SUCLG2: variants seen among roughly 807,000 people sequenced by gnomAD.
SUCLG2 encodes the protein succinate--CoA ligase [GDP-forming] subunit beta, mitochondrial.
Under a neutral mutation model 47.9 loss-of-function variants are expected in SUCLG2, and 42 were observed. The observed-to-expected ratio is 0.88, with a 90% confidence interval of 0.69 to 1.14. The LOEUF (loss-of-function observed/expected upper bound fraction) is 1.14. SUCLG2 is among the 50% of genes most tolerant of loss of function. The pLI is 0.00. For missense variants in SUCLG2, 571 were observed against 525.9 expected (o/e 1.09, Z -0.84); for synonymous variants, 195 against 197.3 (o/e 0.99, Z 0.10).
chr3:67,502,905 G>A (rs1353989359), intron 7 of SUCLG2, among the ~76,000 whole-genome samples: 3 of 152,142 alleles, frequency 2.0e-5, no homozygotes, highest in Admixed American at 6.5e-5. Flanking sequence ...AAAGATAAGG[G>A]TAAAATAGGC....
chr3:67,575,965 G>A (rs1443342878), intron 2 of SUCLG2, among the ~76,000 whole-genome samples: 1 of 152,108 alleles, frequency 6.6e-6, no homozygotes, highest in Non-Finnish European at 1.5e-5. Context: ...TTATCATCAG[G>A]CCATTCTTGT....
intron 1 of SUCLG2, among the ~76,000 whole-genome samples, chr3:67,610,062 C>G (rs940693708): frequency 6.6e-6 from 1 of 152,118 alleles, no homozygotes; most frequent in Non-Finnish European, 1.5e-5. Context: ...CCCCTTCTCA[C>G]CCCAAATAAA....
chr3:67,378,990 A>G (rs1282366848), intron 10 of SUCLG2, among the ~76,000 whole-genome samples: 3 of 152,192 alleles, frequency 2.0e-5, no homozygotes, highest in Non-Finnish European at 4.4e-5. Context: ...TCTGTCACCC[A>G]GGCTGGAGTG....
intron 8 of SUCLG2, among the ~76,000 whole-genome samples, chr3:67,497,191 G>C (rs920979881): frequency 6.6e-6 from 1 of 152,098 alleles, no homozygotes; most frequent in South Asian, 2.1e-4. Context: ...ACTTGTAATT[G>C]GATGTCATTT....
rs189714516 is a variant in SUCLG2 at position 67,558,543 on chromosome 3, A to T, written c.227-29357T>A. Among the ~76,000 whole-genome samples the T allele has an allele frequency of 2.6e-5, 4 of 152,330 alleles. No individual in the cohort carries two copies. The East Asian group carries it at 7.7e-4, about 29-fold the overall frequency. On this transcript the variant is annotated intron_variant, in intron 2 of 10. Transcript: ENST00000307227. ...TTACCCTGCTGGACTGTCTTAGAGCAGCTGTGAGAAAGTGCTGGGCTTTCT... is the reference window on the plus strand; with the variant it reads ...TTACCCTGCTGGACTGTCTTAGAGCTGCTGTGAGAAAGTGCTGGGCTTTCT...
intron 2 of SUCLG2, among the ~76,000 whole-genome samples, chr3:67,597,669 G>C (rs1479822742): frequency 1.3e-5 from 2 of 152,152 alleles, no homozygotes; most frequent in East Asian, 3.9e-4. Context: ...GCCGGGTGCA[G>C]TGGCTCACGT....
chr3:67,611,579 C>T (rs1700527789), intron 1 of SUCLG2, among the ~76,000 whole-genome samples: 1 of 152,090 alleles, frequency 6.6e-6, no homozygotes, highest in East Asian at 1.9e-4. Flanking sequence ...TATCTAGGAC[C>T]ACTCTTAAAA....
At chr3:67,534,794 A>AG (rs932391129) in intron 2 of SUCLG2, among the ~76,000 whole-genome samples, 2 of 143,378 alleles carry the variant, frequency 1.4e-5, no homozygotes, top group Non-Finnish European at 3.0e-5. Flanking sequence ...AAAAAAAAAA[A>AG]AAAAAATGCC....
chr3:67,643,955 G>T (rs954547235), intron 1 of SUCLG2, among the ~76,000 whole-genome samples: 5 of 152,218 alleles, frequency 3.3e-5, no homozygotes, highest in Non-Finnish European at 5.9e-5. Flanking sequence ...GGGATTACAG[G>T]CGTGAGCCAC....
intron 2 of SUCLG2, among the ~76,000 whole-genome samples, chr3:67,604,649 G>A (rs955119965): frequency 6.6e-6 from 1 of 151,488 alleles, no homozygotes; most frequent in East Asian, 1.9e-4. Context: ...GTAGGGTGGC[G>A]AGAAGAAGAG....
intron 2 of SUCLG2, among the ~76,000 whole-genome samples, chr3:67,550,548 T>C (rs1044798280): frequency 6.6e-6 from 1 of 152,142 alleles, no homozygotes; most frequent in Non-Finnish European, 1.5e-5. Flanking sequence ...GGTTTTGCCA[T>C]GTGGTCCAGG....
At chr3:67,511,644 C>T (rs1012745119) in intron 6 of SUCLG2, among the ~76,000 whole-genome samples, 4 of 152,144 alleles carry the variant, frequency 2.6e-5, no homozygotes, top group African/African-American at 7.2e-5. Context: ...TATCCAGTCA[C>T]GGGTATGTCT....
At chr3:67,377,719 T>C (rs1702063988) in intron 10 of SUCLG2, among the ~76,000 whole-genome samples, 1 of 152,276 alleles carries the variant, frequency 6.6e-6, no homozygotes, top group African/African-American at 2.4e-5. Flanking sequence ...AGTGGTGTGA[T>C]CTCAGCTCAC....
intron 9 of SUCLG2, among the ~76,000 whole-genome samples, chr3:67,406,778 G>C (rs1422748514): frequency 6.6e-6 from 1 of 152,140 alleles, no homozygotes; most frequent in African/African-American, 2.4e-5. Context: ...CACCTACACA[G>C]ACTACAGTAA....
At position 67,379,840 on chromosome 3, in the gene SUCLG2, C is replaced by T. The variant is rs185921106; in HGVS notation, c.1184-3981G>A. 5.3e-5 allele frequency among the ~76,000 whole-genome samples: 8 copies of T among 152,318 alleles called. No homozygotes were observed. The Middle Eastern group carries it at 0.02, about 389-fold the overall frequency. On this transcript the variant is annotated intron_variant, in intron 10 of 10. Coordinates refer to ENST00000307227, the MANE Select transcript of SUCLG2 (RefSeq NM_003848.4). Reference sequence around the variant, plus strand: ...GCCCCAACTAAAGCAGGGGCTGGTACAATGAACTTCTGGAGCACCTTGTAT... The same window carrying T: ...GCCCCAACTAAAGCAGGGGCTGGTATAATGAACTTCTGGAGCACCTTGTAT...
intron 2 of SUCLG2, among the ~76,000 whole-genome samples, chr3:67,569,090 A>C (rs148159933): frequency 1.3e-5 from 2 of 152,294 alleles, no homozygotes; most frequent in African/African-American, 4.8e-5. Context: ...CCTAACTGGA[A>C]TCCTGAAATT....
chr3:67,559,465 C>G (rs1707250058), intron 2 of SUCLG2, among the ~76,000 whole-genome samples: 5 of 152,124 alleles, frequency 3.3e-5, no homozygotes, highest in Admixed American at 3.3e-4. Context: ...AAGTGCCACA[C>G]TTTAAAACCA....
intron 9 of SUCLG2, among the ~76,000 whole-genome samples, chr3:67,407,632 G>T (rs560163062): frequency 6.6e-6 from 1 of 152,254 alleles, no homozygotes; most frequent in South Asian, 2.1e-4. Flanking sequence ...TAGCATATAC[G>T]TGAAGCACAG....
chr3:67,363,630 G>A (rs1701838324), intron 10 of SUCLG2, among the ~76,000 whole-genome samples: 1 of 152,132 alleles, frequency 6.6e-6, no homozygotes, highest in Non-Finnish European at 1.5e-5. Context: ...GTGAACAGCA[G>A]TAGTAAAGTT....
Sources: allele counts gnomAD v4.1 joint callset (sites outside exome capture counted in the v4.1 genomes callset), GRCh38; gene constraint gnomAD v4.1.1; transcripts MANE v1.5; gene names NCBI Gene and HGNC (gene_info 2026-07-23, HGNC 2026-07-21).